The following CSMD1 variants were observed in gnomAD, a reference collection of about 807,000 sequenced individuals.
The protein encoded by CSMD1 is CUB and sushi domain-containing protein 1.
CSMD1 carries 213 observed loss-of-function variants against 417.5 expected under a neutral mutation model. The ratio of observed to expected loss-of-function variants is 0.51; its 90% CI spans 0.46 to 0.57. The LOEUF (loss-of-function observed/expected upper bound fraction) is 0.57, where lower values mean the gene tolerates loss of function less well. Ranked by LOEUF, CSMD1 falls within the 20% of genes least tolerant of loss-of-function variation. The pLI, the probability that CSMD1 is intolerant of heterozygous loss-of-function variation, is 0.00. For missense variants in CSMD1, 6,923 were observed against 4,529.7 expected, an observed-to-expected ratio of 1.53 and a Z score of -15.17; for synonymous variants, 2,862 against 1,736.8, an observed-to-expected ratio of 1.65 and a Z score of -16.11.
intron 5 of CSMD1, among the ~76,000 whole-genome samples, chr8:3,936,655 T>A (rs956284087): frequency 6.6e-6 from 1 of 152,206 alleles, no homozygotes; most frequent in Non-Finnish European, 1.5e-5. Context: ...TTCTAAATAT[T>A]GCTGCTCTTT....
At chr8:4,752,731 T>A (rs75819045) in intron 1 of CSMD1, among the ~76,000 whole-genome samples, 1,591 of 152,280 alleles carry the variant, frequency 0.01, 13 homozygotes, top group East Asian at 0.053. Flanking sequence ...ACGAAAAAGT[T>A]GCTTCTTGGA....
intron 2 of CSMD1, among the ~76,000 whole-genome samples, chr8:4,436,502 T>TC (rs1359211805): frequency 1.3e-5 from 2 of 152,118 alleles, no homozygotes; most frequent in Admixed American, 6.5e-5. Context: ...GGGGTATCTC[T>TC]CCTCTCAAAC....
intron 5 of CSMD1, among the ~76,000 whole-genome samples, chr8:3,984,359 A>C (rs993822775): frequency 6.6e-6 from 1 of 152,198 alleles, no homozygotes; most frequent in African/African-American, 2.4e-5. Context: ...ACGACAGATC[A>C]TGAGTCTCTG....
chr8:3,187,458 G>C (rs117372602), intron 36 of CSMD1, among the ~76,000 whole-genome samples: 1 of 152,078 alleles, frequency 6.6e-6, no homozygotes, highest in Non-Finnish European at 1.5e-5. Flanking sequence ...ATATGAGTAG[G>C]GTAGAATCTC....
chr8:4,375,052 G>C (rs1584977805), intron 3 of CSMD1, among the ~76,000 whole-genome samples: 1 of 151,734 alleles, frequency 6.6e-6, no homozygotes, highest in African/African-American at 2.4e-5. Flanking sequence ...TTAAGAGGCT[G>C]TTATAGGTAG....
intron 2 of CSMD1, among the ~76,000 whole-genome samples, chr8:4,440,197 C>G (rs887414363): frequency 1.3e-5 from 2 of 152,136 alleles, no homozygotes; most frequent in Non-Finnish European, 2.9e-5. Flanking sequence ...ATCTTTTGAT[C>G]CAGCAACCTT....
chr8:3,948,721 T>G (rs1811408782), intron 5 of CSMD1, among the ~76,000 whole-genome samples: 1 of 152,112 alleles, frequency 6.6e-6, no homozygotes, highest in Admixed American at 6.6e-5. Context: ...AAACCAACAA[T>G]CAATAATACA....
intron 40 of CSMD1, among the ~76,000 whole-genome samples, chr8:3,143,631 T>G (rs902319636): frequency 7.2e-5 from 11 of 152,210 alleles, no homozygotes; most frequent in Non-Finnish European, 1.3e-4. Flanking sequence ...CATAAGTCCA[T>G]GCAGTTAAGC....
At chr8:4,301,193 G>A (rs1432441289) in intron 3 of CSMD1, among the ~76,000 whole-genome samples, 1 of 152,168 alleles carries the variant, frequency 6.6e-6, no homozygotes, top group Non-Finnish European at 1.5e-5. Flanking sequence ...CTCCTGGGTA[G>A]TGGTCTGCTA....
At chr8:3,808,965 C>G (rs1800907404) in intron 5 of CSMD1, among the ~76,000 whole-genome samples, 1 of 152,022 alleles carries the variant, frequency 6.6e-6, no homozygotes, top group Non-Finnish European at 1.5e-5. Context: ...CAAGAAGAGC[C>G]AAGGCACTGG....
chr8:3,163,139 A>G (rs1210354467), intron 37 of CSMD1, among the ~76,000 whole-genome samples: 1 of 152,220 alleles, frequency 6.6e-6, no homozygotes. Context: ...TGGATATATT[A>G]ATTTCATTTA....
chr8:4,100,883 T>C (rs1296251893), intron 3 of CSMD1, among the ~76,000 whole-genome samples: 16 of 152,204 alleles, frequency 1.1e-4, no homozygotes, highest in South Asian at 4.2e-4. Context: ...AAAGCCTCCA[T>C]TTATACAAGA....
At chr8:3,839,921 A>T (rs1365906964) in intron 5 of CSMD1, among the ~76,000 whole-genome samples, 1 of 152,070 alleles carries the variant, frequency 6.6e-6, no homozygotes, top group Admixed American at 6.6e-5. Flanking sequence ...AGGAATTCAC[A>T]GAGATGCAGT....
intron 2 of CSMD1, among the ~76,000 whole-genome samples, chr8:4,561,904 A>C (rs779926439): frequency 2.0e-5 from 3 of 152,148 alleles, no homozygotes; most frequent in Admixed American, 6.5e-5. Flanking sequence ...CAGAATCTCA[A>C]CCAAAGCAGT....
chr8:3,548,659 TACACACACAC>T (rs146360407), intron 10 of CSMD1, among the ~76,000 whole-genome samples: 90 of 133,108 alleles, frequency 6.8e-4, no homozygotes, highest in Admixed American at 8.4e-4. Context: ...TATTCCATCA[TACACACACAC>T]ACACACACAC....
At chr8:4,945,750 C>T (rs183137701) in intron 1 of CSMD1, among the ~76,000 whole-genome samples, 66 of 152,048 alleles carry the variant, frequency 4.3e-4, no homozygotes, top group African/African-American at 1.4e-3. Flanking sequence ...GGAGATGATG[C>T]CACCTGGAGA....
At chr8:3,627,675 T>C (rs1321396250) in intron 7 of CSMD1, among the ~76,000 whole-genome samples, 4 of 152,200 alleles carry the variant, frequency 2.6e-5, no homozygotes, top group Non-Finnish European at 4.4e-5. Context: ...ACATATGCAA[T>C]GTTTTATGGT....
intron 5 of CSMD1, among the ~76,000 whole-genome samples, chr8:3,825,355 C>A (rs537912539): frequency 2.6e-5 from 4 of 152,050 alleles, no homozygotes; most frequent in South Asian, 2.1e-4. Flanking sequence ...CATGGTGAAA[C>A]CTTGTCTGTA....
intron 50 of CSMD1, among the ~76,000 whole-genome samples, chr8:3,034,665 G>C (rs1810555271): frequency 6.6e-6 from 1 of 152,098 alleles, no homozygotes; most frequent in Admixed American, 6.6e-5. Flanking sequence ...GATTATTTAG[G>C]AAGACTAGGA....
Sources: allele counts gnomAD v4.1 joint callset (sites outside exome capture counted in the v4.1 genomes callset), GRCh38; gene constraint gnomAD v4.1.1; transcripts MANE v1.5; gene names NCBI Gene and HGNC (gene_info 2026-07-23, HGNC 2026-07-21).